Variants in FUT8 observed in about 807,000 individuals in gnomAD.
FUT8 encodes the protein fucosyltransferase 8.
FUT8 carries 29 observed loss-of-function variants against 71.3 expected under a neutral mutation model. The ratio of observed to expected loss-of-function variants is 0.41; its 90% CI spans 0.30 to 0.55. The LOEUF (loss-of-function observed/expected upper bound fraction) is 0.55. FUT8 is among the 20% of genes least tolerant of loss of function. FUT8 has a pLI of 0.34. For missense variants in FUT8, 544 were observed against 702.1 expected (o/e 0.77, Z 2.55); for synonymous variants, 254 against 239.3 (o/e 1.06, Z -0.57).
At chr14:65,724,387 C>T in intron 9 of FUT8, 64 bp downstream of exon 9, 1 of 964,648 alleles carries the variant, frequency 1.0e-6, no homozygotes, top group Non-Finnish European at 1.5e-6. Context: ...AGAATTCTTA[C>T]TTCCCATGAC....
chr14:65,565,036 C>T (rs1016448230), intron 3 of FUT8, among the ~76,000 whole-genome samples: 2 of 151,946 alleles, frequency 1.3e-5, no homozygotes, highest in African/African-American at 4.8e-5. Context: ...CAAGATTGAA[C>T]AGCTGCATCT....
intron 3 of FUT8, among the ~76,000 whole-genome samples, chr14:65,573,930 T>TA (rs1886623046): frequency 6.6e-6 from 1 of 152,170 alleles, no homozygotes; most frequent in Non-Finnish European, 1.5e-5. Context: ...AACACAAACT[T>TA]ACTATCACAC....
rs145565650 is a variant in FUT8, at chr14:65,631,882, A to C, written c.597+2276A>C. On this transcript the variant is annotated intron_variant, in intron 6 of 10. Coordinates refer to ENST00000673929, the MANE Select transcript of FUT8 (RefSeq NM_001371533.1). ...CCGTCCCTCCAAGTCCCCAAAGTTC[A>C]TTGTATCATTCTTATGCCTTTGTGT... Among the ~76,000 whole-genome samples, 746 of 151,252 alleles carry C rather than the reference A, an allele frequency of 4.9e-3. 8 individuals carry two copies. Among genetic ancestry groups the C allele is most frequent in the African/African-American group, 0.017 (709 of 41,158 alleles).
intron 8 of FUT8, among the ~76,000 whole-genome samples, chr14:65,723,511 A>G (rs1895531468): frequency 6.6e-6 from 1 of 152,218 alleles, no homozygotes; most frequent in Admixed American, 6.5e-5. Context: ...AAAAACAGAG[A>G]AAGGAAATGC....
intron 1 of FUT8, among the ~76,000 whole-genome samples, chr14:65,440,052 A>G (rs949519011): frequency 1.0e-4 from 15 of 148,210 alleles, no homozygotes; most frequent in African/African-American, 3.5e-4. Context: ...TGATATTTAT[A>G]AGAACATGGA....
intron 2 of FUT8, among the ~76,000 whole-genome samples, 187 bp from the exon 3 acceptor site, chr14:65,561,150 T>C (rs1388999801): frequency 6.6e-6 from 1 of 152,194 alleles, no homozygotes; most frequent in East Asian, 1.9e-4. Context: ...AGAGCACTAA[T>C]GTACATGGCT....
chr14:65,715,681 T>A (rs1895020742), intron 7 of FUT8, among the ~76,000 whole-genome samples: 1 of 152,212 alleles, frequency 6.6e-6, no homozygotes, highest in Non-Finnish European at 1.5e-5. Flanking sequence ...TTTCAAGAAA[T>A]TTTTTTAATT....
chr14:65,576,696 C>CCTTTTT (rs1886794034), intron 3 of FUT8, among the ~76,000 whole-genome samples: 1 of 96,220 alleles, frequency 1.0e-5, no homozygotes, highest in African/African-American at 6.3e-5. Context: ...GCCCAGCTTG[C>CCTTTTT]TTTTTTTTTT....
Position 65,561,567 on chromosome 14 carries a change from C to A in FUT8, c.4C>A (p.Arg2=), listed in dbSNP as rs762317080. 2 of 1,612,820 alleles carry A rather than the reference C, an allele frequency of 1.2e-6. No homozygotes were observed. Among genetic ancestry groups the A allele is most frequent in the Non-Finnish European group, 8.5e-7 (1 of 1,179,276 alleles). M[R]PWTGSWRWIM... is the part of the protein sequence containing the mutation. ...GAAGTGAGTTGAAAATCTGAAAATGCGGCCATGGACTGGTTCCTGGCGTTG... is the reference window on the plus strand; with the variant it reads ...GAAGTGAGTTGAAAATCTGAAAATGAGGCCATGGACTGGTTCCTGGCGTTG... Residue 2 remains arginine, a synonymous_variant, in exon 3 of 11, where the codon CGG becomes AGG. Transcript: ENST00000673929.
intron 2 of FUT8, among the ~76,000 whole-genome samples, chr14:65,546,227 A>T (rs988599900): frequency 1.3e-5 from 2 of 151,820 alleles, no homozygotes; most frequent in African/African-American, 4.8e-5. Context: ...GCTGGCAAGT[A>T]CTAGTCTGAT....
intron 7 of FUT8, among the ~76,000 whole-genome samples, chr14:65,718,530 G>A (rs189754360): frequency 6.6e-6 from 1 of 152,322 alleles, no homozygotes; most frequent in Admixed American, 6.5e-5. Context: ...ATAAAATTAT[G>A]TGGTTTTTTG....
intron 2 of FUT8, among the ~76,000 whole-genome samples, chr14:65,557,637 G>A (rs1424048159): frequency 8.0e-6 from 1 of 124,910 alleles, no homozygotes; most frequent in African/African-American, 2.6e-5. Flanking sequence ...AGCCAATTTT[G>A]TCTCTTAAAA....
At chr14:65,595,664 A>G (rs1248008325) in intron 3 of FUT8, among the ~76,000 whole-genome samples, 2 of 123,830 alleles carry the variant, frequency 1.6e-5, no homozygotes, top group Admixed American at 1.1e-4. Context: ...GCTGGAGTGC[A>G]GTGGTGGGAT....
At chr14:65,727,040 AG>A (rs1407845413) in intron 9 of FUT8, among the ~76,000 whole-genome samples, 2 of 152,218 alleles carry the variant, frequency 1.3e-5, no homozygotes, top group Non-Finnish European at 2.9e-5. Context: ...GTGATGCAAG[AG>A]GTGAGCTCCT....
intron 7 of FUT8, among the ~76,000 whole-genome samples, chr14:65,688,717 G>T (rs189738170): frequency 6.6e-5 from 10 of 152,216 alleles, no homozygotes; most frequent in Admixed American, 3.3e-4. Context: ...ACTCACTTGG[G>T]TAAGCTGTAG....
chr14:65,709,425 T>C lies in FUT8; in HGVS notation c.836-12350T>C, dbSNP rs529579710. 3.9e-5 allele frequency among the ~76,000 whole-genome samples: 6 copies of C among 152,312 alleles called. No homozygotes were observed. In the South Asian group the frequency reaches 6.2e-4, roughly 16 times the overall value. The stretch of plus-strand genomic sequence containing the variant: ...ACATTAAAATAAACATTGAATCACA[T>C]AGTAAGAAAGTTACTCCTTTTTCAA... On this transcript the variant is annotated intron_variant, in intron 7 of 10. Coordinates refer to ENST00000673929, the MANE Select transcript of FUT8 (RefSeq NM_001371533.1).
intron 2 of FUT8, among the ~76,000 whole-genome samples, chr14:65,527,575 T>C (rs1883580109): frequency 6.6e-6 from 1 of 152,226 alleles, no homozygotes; most frequent in Admixed American, 6.5e-5. Context: ...TCAAAGTCAT[T>C]CTCCGTCCAG....
At chr14:65,688,930 C>G (rs902778577) in intron 7 of FUT8, among the ~76,000 whole-genome samples, 1 of 152,160 alleles carries the variant, frequency 6.6e-6, no homozygotes, top group African/African-American at 2.4e-5. Context: ...GTCTCTTCCT[C>G]TTCTTCTGAG....
chr14:65,685,967 T>C (rs1339454470), intron 7 of FUT8, among the ~76,000 whole-genome samples: 1 of 152,206 alleles, frequency 6.6e-6, no homozygotes, highest in African/African-American at 2.4e-5. Context: ...TTCTGTCTTA[T>C]ACTGTGATTT....
Sources: allele counts gnomAD v4.1 joint callset (sites outside exome capture counted in the v4.1 genomes callset), GRCh38; gene constraint gnomAD v4.1.1; transcripts MANE v1.5; gene names NCBI Gene and HGNC (gene_info 2026-07-23, HGNC 2026-07-21).